Variants in ME1 observed in about 807,000 individuals in gnomAD.
The protein encoded by ME1 is malic enzyme 1, also known as NADP-dependent malic enzyme.
Under a neutral mutation model 66.4 loss-of-function variants are expected in ME1, and 74 were observed. That is an observed-to-expected ratio of 1.11 (90% confidence interval 0.92 to 1.35). The LOEUF is 1.35. Among genes scored for constraint, ME1 ranks in the 40% most tolerant of loss-of-function variants. The probability of loss-of-function intolerance (pLI) is 0.00; values close to 1 mark genes in which losing one functional copy is unlikely to be tolerated. For missense variants in ME1, 750 were observed against 694.1 expected, an observed-to-expected ratio of 1.08 and a Z score of -0.90; for synonymous variants, 251 against 235.6, an observed-to-expected ratio of 1.07 and a Z score of -0.60.
intron 11 of ME1, among the ~76,000 whole-genome samples, chr6:83,225,928 G>A (rs139245512): frequency 4.0e-5 from 6 of 150,880 alleles, no homozygotes; most frequent in African/African-American, 1.5e-4. Flanking sequence ...CAGTACTGTA[G>A]CTAGCTAAAT....
chr6:83,380,051 A>C (rs931929136), intron 3 of ME1, among the ~76,000 whole-genome samples: 3 of 152,118 alleles, frequency 2.0e-5, no homozygotes, highest in Non-Finnish European at 4.4e-5. Flanking sequence ...TGTTTGTCAT[A>C]GTTTATTGCC....
chr6:83,414,374 G>T (rs1770119360), intron 1 of ME1, among the ~76,000 whole-genome samples: 1 of 151,908 alleles, frequency 6.6e-6, no homozygotes, highest in African/African-American at 2.4e-5. Flanking sequence ...AAGATCATTT[G>T]CTTTCATTCC....
chr6:83,347,933 T>C (rs972717017), intron 4 of ME1, among the ~76,000 whole-genome samples: 2 of 152,198 alleles, frequency 1.3e-5, no homozygotes, highest in Non-Finnish European at 2.9e-5. Context: ...CCCACATATG[T>C]TAATTCCTAG....
intron 7 of ME1, among the ~76,000 whole-genome samples, chr6:83,249,615 C>T (rs1038005858): frequency 2.6e-5 from 4 of 152,130 alleles, no homozygotes; most frequent in South Asian, 2.1e-4. Context: ...ATGAGAGAAA[C>T]ATTATCATCC....
At chr6:83,328,693 ACTT>A (rs1253471239) in intron 5 of ME1, among the ~76,000 whole-genome samples, 2 of 152,172 alleles carry the variant, frequency 1.3e-5, no homozygotes, top group African/African-American at 2.4e-5. Flanking sequence ...TGGATTAAAA[ACTT>A]CTTATGGTCA....
At chr6:83,242,346 A>C (rs1489246071) in intron 7 of ME1, among the ~76,000 whole-genome samples, 2 of 152,256 alleles carry the variant, frequency 1.3e-5, no homozygotes, top group Non-Finnish European at 2.9e-5. Context: ...ATAATTTGTT[A>C]AATCTGGTTA....
intron 3 of ME1, among the ~76,000 whole-genome samples, chr6:83,376,602 A>C (rs962525155): frequency 2.7e-5 from 4 of 149,542 alleles, no homozygotes; most frequent in Admixed American, 6.8e-5. Context: ...GGAATCCGAG[A>C]CCAACCTGGC....
intron 7 of ME1, among the ~76,000 whole-genome samples, chr6:83,247,255 A>C (rs539207710): frequency 5.8e-4 from 89 of 152,212 alleles, no homozygotes; most frequent in African/African-American, 2.1e-3. Context: ...AAATGACTAG[A>C]GGTTGAAACC....
At chr6:83,242,448 A>G (rs1465092984) in intron 7 of ME1, among the ~76,000 whole-genome samples, 1 of 152,202 alleles carries the variant, frequency 6.6e-6, no homozygotes, top group Admixed American at 6.5e-5. Context: ...GTAAAATACA[A>G]GAACTAGAAG....
At chr6:83,264,039 T>G (rs1216487090) in intron 6 of ME1, among the ~76,000 whole-genome samples, 1 of 152,158 alleles carries the variant, frequency 6.6e-6, no homozygotes, top group Non-Finnish European at 1.5e-5. Context: ...CTTCAAAGCT[T>G]CAAAGAATAG....
intron 6 of ME1, among the ~76,000 whole-genome samples, chr6:83,289,491 C>T (rs202238674): frequency 4.6e-5 from 7 of 152,074 alleles, no homozygotes; most frequent in East Asian, 1.9e-4. Flanking sequence ...TGCATCCCAG[C>T]GATGAAGCTG....
At chr6:83,238,650 C>T (rs116054965) in intron 8 of ME1, among the ~76,000 whole-genome samples, 1,966 of 151,920 alleles carry the variant, frequency 0.013, 48 homozygotes, top group African/African-American at 0.045. Context: ...ATATTTGTAT[C>T]GTGGCATTTG....
chr6:83,367,450 C>T (rs906548718), intron 3 of ME1, among the ~76,000 whole-genome samples: 1 of 152,220 alleles, frequency 6.6e-6, no homozygotes, highest in African/African-American at 2.4e-5. Context: ...ATGGCATCTT[C>T]TTCCAATAGA....
chr6:83,302,640 T>G (rs2128536974), intron 6 of ME1, among the ~76,000 whole-genome samples: 1 of 152,274 alleles, frequency 6.6e-6, no homozygotes, highest in African/African-American at 2.4e-5. Context: ...TACAGAAAAC[T>G]TCTCTAATCC....
At chr6:83,346,108 C>T (rs1768679163) in intron 5 of ME1, 65 bp downstream of exon 5, 2 of 1,270,610 alleles carry the variant, frequency 1.6e-6, no homozygotes, top group Non-Finnish European at 2.1e-6. Context: ...GGAATAAGTT[C>T]AAAATGCAAG....
intron 1 of ME1, among the ~76,000 whole-genome samples, chr6:83,430,630 TCCCTAACATGGGATGCCGAGGTGCAGAGG>T: frequency 6.6e-6 from 1 of 152,226 alleles, no homozygotes; most frequent in South Asian, 2.1e-4. Flanking sequence ...TTTACCTCTA[TCCCTAACATGGGATGCCGAGGTGCAGAGG>T]CACCAGCACT....
At chr6:83,372,177 G>A (rs1769202364) in intron 3 of ME1, among the ~76,000 whole-genome samples, 1 of 152,144 alleles carries the variant, frequency 6.6e-6, no homozygotes, top group Admixed American at 6.5e-5. Context: ...CCGTAGAGAA[G>A]TGGGGTCGAT....
intron 9 of ME1, among the ~76,000 whole-genome samples, chr6:83,230,929 T>A (rs1320697205): frequency 6.6e-6 from 1 of 151,828 alleles, no homozygotes; most frequent in African/African-American, 2.4e-5. Flanking sequence ...AGACTCTGTC[T>A]CAAAAAAATA....
intron 6 of ME1, among the ~76,000 whole-genome samples, chr6:83,284,245 C>T (rs1261111463): frequency 6.6e-6 from 1 of 151,944 alleles, no homozygotes; most frequent in Non-Finnish European, 1.5e-5. Context: ...GTAATAAAAA[C>T]CCTACCAACC....
Sources: allele counts gnomAD v4.1 joint callset (sites outside exome capture counted in the v4.1 genomes callset), GRCh38; gene constraint gnomAD v4.1.1; transcripts MANE v1.5; gene names NCBI Gene and HGNC (gene_info 2026-07-23, HGNC 2026-07-21).